The following GRID2 variants were observed in gnomAD, a reference collection of about 807,000 sequenced individuals.
The protein encoded by GRID2 is glutamate ionotropic receptor delta type subunit 2.
Under a neutral mutation model 114.8 loss-of-function variants are expected in GRID2, and 33 were observed. That is an observed-to-expected ratio of 0.29 (90% CI 0.22 to 0.38). The LOEUF (loss-of-function observed/expected upper bound fraction) is 0.38, where lower values mean the gene tolerates loss of function less well. GRID2 is among the 10% of genes least tolerant of loss of function. The probability of loss-of-function intolerance (pLI) is 1.00; values close to 1 mark genes in which losing one functional copy is unlikely to be tolerated. For synonymous variants in GRID2, 505 were observed against 449.9 expected (o/e 1.12, Z -1.55); for missense variants, 1,184 against 1,257.7 (o/e 0.94, Z 0.89).
At chr4:93,679,731 A>G (rs1017522138) in intron 14 of GRID2, among the ~76,000 whole-genome samples, 1 of 151,118 alleles carries the variant, frequency 6.6e-6, no homozygotes, top group Non-Finnish European at 1.5e-5. Flanking sequence ...GAAACCAACG[A>G]GAACAAAGAC....
intron 8 of GRID2, among the ~76,000 whole-genome samples, chr4:93,298,918 TG>T: frequency 6.6e-6 from 1 of 152,364 alleles, no homozygotes; most frequent in Non-Finnish European, 1.5e-5. Context: ...AAATGTCAGT[TG>T]GGACTCATTA....
chr4:93,464,066 T>A (rs768689865), intron 11 of GRID2, among the ~76,000 whole-genome samples: 2 of 152,144 alleles, frequency 1.3e-5, no homozygotes, highest in Non-Finnish European at 2.9e-5. Context: ...GAACTCAGTG[T>A]TTTTACAGTA....
intron 2 of GRID2, among the ~76,000 whole-genome samples, chr4:92,794,279 G>A (rs1256848439): frequency 6.6e-6 from 1 of 151,686 alleles, no homozygotes; most frequent in African/African-American, 2.4e-5. Flanking sequence ...ACTTTAAAAT[G>A]AAACATAGGC....
chr4:93,503,379 G>A (rs1171126434), intron 12 of GRID2, among the ~76,000 whole-genome samples: 1 of 151,876 alleles, frequency 6.6e-6, no homozygotes, highest in East Asian at 1.9e-4. Flanking sequence ...CAACGTGCAG[G>A]TTTGTTACAT....
intron 14 of GRID2, 90 bp from the exon 15 acceptor site, chr4:93,769,120 C>T (rs1423174254): frequency 7.9e-7 from 1 of 1,261,648 alleles, no homozygotes; most frequent in South Asian, 1.3e-5. Flanking sequence ...CAGCCACCAT[C>T]CTACAGAGGT....
At chr4:93,763,213 C>T (rs955656776) in intron 14 of GRID2, among the ~76,000 whole-genome samples, 6 of 151,916 alleles carry the variant, frequency 3.9e-5, no homozygotes, top group African/African-American at 1.5e-4. Flanking sequence ...AATCCTGATA[C>T]CATTTTGAAA....
intron 9 of GRID2, among the ~76,000 whole-genome samples, chr4:93,411,486 G>C (rs1412753636): frequency 6.6e-6 from 1 of 150,860 alleles, no homozygotes; most frequent in African/African-American, 2.4e-5. Context: ...ATAGGCTGGA[G>C]TGCAATGCCG....
chr4:92,975,021 G>T (rs1351472289), intron 2 of GRID2, among the ~76,000 whole-genome samples: 1 of 151,732 alleles, frequency 6.6e-6, no homozygotes, highest in Non-Finnish European at 1.5e-5. Flanking sequence ...GCCGGGCATG[G>T]TGGCAGGTGC....
intron 14 of GRID2, among the ~76,000 whole-genome samples, chr4:93,630,626 C>T (rs940258825): frequency 3.3e-5 from 5 of 152,118 alleles, no homozygotes; most frequent in Non-Finnish European, 4.4e-5. Context: ...AAAACAATTA[C>T]GTGTTCCAAG....
intron 12 of GRID2, among the ~76,000 whole-genome samples, chr4:93,514,466 T>C (rs1490586235): frequency 9.7e-6 from 1 of 102,716 alleles, no homozygotes; most frequent in Non-Finnish European, 2.3e-5. Flanking sequence ...CACACAATGC[T>C]AAAGCAAATA....
intron 1 of GRID2, among the ~76,000 whole-genome samples, chr4:92,530,119 A>G (rs1160598823): frequency 1.3e-5 from 2 of 151,950 alleles, no homozygotes; most frequent in Admixed American, 6.6e-5. Context: ...GATTTTATGC[A>G]GGGAAAGTTC....
intron 2 of GRID2, among the ~76,000 whole-genome samples, chr4:92,850,286 A>ATAT (rs1743678531): frequency 6.6e-6 from 1 of 151,652 alleles, no homozygotes; most frequent in Non-Finnish European, 1.5e-5. Context: ...TTCATATTGT[A>ATAT]TGTTATAATT....
chr4:93,594,412 C>T (rs1309655769), intron 13 of GRID2, among the ~76,000 whole-genome samples: 1 of 152,220 alleles, frequency 6.6e-6, no homozygotes, highest in African/African-American at 2.4e-5. Flanking sequence ...TCCGCCCATT[C>T]TCAGATCTCC....
intron 13 of GRID2, among the ~76,000 whole-genome samples, chr4:93,522,614 TA>T (rs1378717424): frequency 1.3e-5 from 2 of 151,926 alleles, no homozygotes; most frequent in African/African-American, 4.8e-5. Context: ...CTGTGCTATA[TA>T]AAAGGAAAGT....
At chr4:93,428,526 T>G (rs1580056451) in intron 10 of GRID2, among the ~76,000 whole-genome samples, 1 of 152,154 alleles carries the variant, frequency 6.6e-6, no homozygotes, top group African/African-American at 2.4e-5. Context: ...ACTGGTTATT[T>G]AAAAAGGATT....
At chr4:92,832,339 G>C (rs1051480095) in intron 2 of GRID2, among the ~76,000 whole-genome samples, 1 of 151,976 alleles carries the variant, frequency 6.6e-6, no homozygotes, top group African/African-American at 2.4e-5. Flanking sequence ...TGTAATCCCA[G>C]CTACTTGGGA....
At chr4:92,570,098 A>T (rs1298852383) in intron 1 of GRID2, among the ~76,000 whole-genome samples, 1 of 152,040 alleles carries the variant, frequency 6.6e-6, no homozygotes, top group Non-Finnish European at 1.5e-5. Context: ...ACCACTTTAC[A>T]TTTAAACATT....
chr4:92,876,389 C>T (rs1041893848), intron 2 of GRID2, among the ~76,000 whole-genome samples: 1 of 151,934 alleles, frequency 6.6e-6, no homozygotes, highest in African/African-American at 2.4e-5. Flanking sequence ...AGCTCCGCCC[C>T]AGCCTCCAGA....
chr4:93,695,810 G>C (rs1218265939), intron 14 of GRID2, among the ~76,000 whole-genome samples: 1 of 152,104 alleles, frequency 6.6e-6, no homozygotes, highest in East Asian at 1.9e-4. Context: ...TCTCTAAGCC[G>C]CTCAACTTCT....
Sources: gnomAD v4.1 joint callset for allele counts (sites outside exome capture counted in the v4.1 genomes callset) on GRCh38, gnomAD v4.1.1 for gene constraint, MANE v1.5 for transcripts, NCBI Gene and HGNC (gene_info 2026-07-23, HGNC 2026-07-21) for gene names.